DNAJC11: variants seen among roughly 807,000 people sequenced by gnomAD.
The protein encoded by DNAJC11 is DnaJ heat shock protein family (Hsp40) member C11.
In DNAJC11, 15 loss-of-function variants were observed where a neutral mutation model predicts 78.6. The ratio of observed to expected loss-of-function variants is 0.19; its 90% CI spans 0.13 to 0.29. The LOEUF is 0.29. Ranked by LOEUF, DNAJC11 falls within the 10% of genes least tolerant of loss-of-function variation. DNAJC11 has a pLI of 1.00. For synonymous variants in DNAJC11, 292 were observed against 272.1 expected, an observed-to-expected ratio of 1.07 and a Z score of -0.72; for missense variants, 547 against 709.6, an observed-to-expected ratio of 0.77 and a Z score of 2.60.
At chr1:6,700,709 T>C (rs1642911228) in intron 1 of DNAJC11, among the ~76,000 whole-genome samples, 1 of 152,196 alleles carries the variant, frequency 6.6e-6, no homozygotes, top group Non-Finnish European at 1.5e-5. Flanking sequence ...CAAGATAAGT[T>C]TGTATTATTA....
At chr1:6,641,261 C>T (rs1405935751) in intron 10 of DNAJC11, among the ~76,000 whole-genome samples, 1 of 151,518 alleles carries the variant, frequency 6.6e-6, no homozygotes, top group Non-Finnish European at 1.5e-5. Flanking sequence ...TGGTGGGCGC[C>T]TGTAATCCCA....
In DNAJC11 at chr1:6,653,563, TTAAAAC is replaced by T. The variant is rs1642086427; in HGVS notation, c.507+342_507+347del. On this transcript the variant is annotated intron_variant, in intron 5 of 15. Transcript: ENST00000377577. The surrounding 1 kb of genome is among the most constrained non-coding windows in gnomAD (Gnocchi z 4.5). ...CTTGCGGCACCTAGCAGAATTTGCC[TTAAAAC>T]TAAAACTGGTTGTTAGAATGATCCA... Among the ~76,000 whole-genome samples, 1 of 152,164 alleles carries T rather than the reference TTAAAAC, an allele frequency of 6.6e-6. No individual in the cohort carries two copies.
chr1:6,698,757 C>T (rs924529695), intron 1 of DNAJC11, among the ~76,000 whole-genome samples: 9 of 150,856 alleles, frequency 6.0e-5, no homozygotes, highest in African/African-American at 2.0e-4. Flanking sequence ...GCCTGGGCAA[C>T]ACAGTGAGAC....
chr1:6,649,136 G>T (rs1052474272), intron 7 of DNAJC11, among the ~76,000 whole-genome samples: 1 of 152,052 alleles, frequency 6.6e-6, no homozygotes, highest in Non-Finnish European at 1.5e-5. Flanking sequence ...GGGATTGCAG[G>T]TGTGAGTCAC....
At chr1:6,646,740 C>T (rs534934384) in intron 7 of DNAJC11, among the ~76,000 whole-genome samples, 1 of 152,276 alleles carries the variant, frequency 6.6e-6, no homozygotes, top group African/African-American at 2.4e-5. Context: ...AACAGAAATT[C>T]ACACTTCATT....
intron 1 of DNAJC11, among the ~76,000 whole-genome samples, chr1:6,687,143 G>A (rs1642668335): frequency 6.6e-6 from 1 of 152,202 alleles, no homozygotes; most frequent in South Asian, 2.1e-4. Context: ...GGTGCTTTGT[G>A]CTGAGTAAGA....
intron 7 of DNAJC11, among the ~76,000 whole-genome samples, chr1:6,647,080 CTTTTTTTTTTT>C (rs70981396): frequency 4.2e-5 from 4 of 95,034 alleles, no homozygotes; most frequent in South Asian, 3.9e-4. Flanking sequence ...CTGGACAGGT[CTTTTTTTTTTT>C]TTTTTTTTTT....
chr1:6,692,344 C>T (rs1397921304), intron 1 of DNAJC11, among the ~76,000 whole-genome samples: 1 of 151,886 alleles, frequency 6.6e-6, no homozygotes, highest in Non-Finnish European at 1.5e-5. Context: ...TCTCTAAACT[C>T]CACTTCCCGG....
At position 6,682,189 on chromosome 1, in the gene DNAJC11, CTG is replaced by C. The variant is rs200544459; in HGVS notation, c.73-1154_73-1153del. On this transcript the variant is annotated intron_variant, in intron 1 of 15. Transcript: ENST00000377577. ...AAAAAAAAAAAAAAAAAAAAGATGA[CTG>C]TATTCTCTGTTACTTCCACAATTTT... Among the ~76,000 whole-genome samples, 996 of 135,168 alleles carry C rather than the reference CTG, an allele frequency of 7.4e-3. 10 individuals are homozygous for C. Among genetic ancestry groups the C allele is most frequent in the African/African-American group, 0.024 (897 of 36,644 alleles). The allele number at this position is 135,168 out of a possible 152,430, so 88.7% of individuals were successfully genotyped here. A position where few individuals can be genotyped will look rare whatever the true frequency, so the allele number is the denominator to read the frequency against.
intron 1 of DNAJC11, among the ~76,000 whole-genome samples, chr1:6,687,634 C>A (rs568677511): frequency 3.9e-5 from 6 of 152,034 alleles, no homozygotes; most frequent in African/African-American, 1.5e-4. Flanking sequence ...TAGGATTACA[C>A]GCGTGAGCCA....
intron 12 of DNAJC11, chr1:6,637,832 TTAAAAA>T: frequency 4.3e-6 from 2 of 460,728 alleles, no homozygotes; most frequent in Non-Finnish European, 7.8e-6. Flanking sequence ...GTTGTCAGCT[TTAAAAA>T]TAAAGAGATT....
At chr1:6,647,239 G>A (rs553353105) in intron 7 of DNAJC11, among the ~76,000 whole-genome samples, 1 of 151,944 alleles carries the variant, frequency 6.6e-6, no homozygotes, top group Admixed American at 6.6e-5. Context: ...CCACCACCAT[G>A]TCCGGTTAAT....
chr1:6,636,555 TCA>T (rs1641772479), intron 14 of DNAJC11, among the ~76,000 whole-genome samples: 1 of 152,098 alleles, frequency 6.6e-6, no homozygotes, highest in Non-Finnish European at 1.5e-5. Flanking sequence ...GAGGCAAGAC[TCA>T]CACATGTTAC....
At position 6,634,476 on chromosome 1, in the gene DNAJC11, G is replaced by A. The variant is rs1280626066; in HGVS notation, c.*1199C>T. On this transcript the variant is annotated 3_prime_UTR_variant, in exon 16 of 16. Coordinates refer to ENST00000377577, the MANE Select transcript of DNAJC11 (RefSeq NM_018198.4). ...GGGAGGCCTGACTTCAGCAACAGCT[G>A]TGGGTGGGCTGGAGGCCGGCGCAGC... The A allele has an allele frequency of 7.5e-7, 1 of 1,324,896 alleles. No homozygotes were observed. The highest frequency in any genetic ancestry group is 1.0e-6 in the Non-Finnish European group (1 of 1,000,848). The allele number at this position is 1,324,896 out of a possible 1,614,324, so 82.1% of individuals were successfully genotyped here. A position where few individuals can be genotyped will look rare whatever the true frequency, so the allele number is the denominator to read the frequency against.
chr1:6,637,219 G>A lies in DNAJC11; in HGVS notation c.1503C>T (p.Leu501=), dbSNP rs1473064838. The change falls in exon 14 of 16, where the codon CTC becomes CTT. Residue 501 remains leucine, a synonymous_variant. Transcript: ENST00000377577. ...PLQCLVKDSK[L]ILTEASKAGL... ...GTACCTTGGAGGCCTCCGTGAGGAT[G>A]AGCTTCGAGTCCTTCACCAGGCACT... The A allele has an allele frequency of 6.2e-7, 1 of 1,614,174 alleles. No homozygotes were observed. The highest frequency in any genetic ancestry group is 1.1e-5 in the South Asian group (1 of 91,076).
chr1:6,676,199 G>A (rs941929396), intron 3 of DNAJC11, among the ~76,000 whole-genome samples: 3 of 152,170 alleles, frequency 2.0e-5, no homozygotes, highest in East Asian at 1.9e-4. Flanking sequence ...CAGACATAAC[G>A]CAAGGGGGAG....
Position 6,634,714 on chromosome 1 carries a change from G to A in DNAJC11, c.*961C>T, listed in dbSNP as rs367606327. 2.0e-5 allele frequency: 27 copies of A among 1,363,670 alleles called. No homozygotes were observed. The African/African-American group carries it at 3.4e-4, about 17-fold the overall frequency. The allele number at this position is 1,363,670 out of a possible 1,614,324, so 84.5% of individuals were successfully genotyped here. On this transcript the variant is annotated 3_prime_UTR_variant, in exon 16 of 16. Transcript: ENST00000377577. Reference sequence around the variant, plus strand: ...ACGTGGAGGAAGGGTCTGAAGGAAGGCTCCGGAGCACAGGCCCTGGTGTTC... The same window carrying A: ...ACGTGGAGGAAGGGTCTGAAGGAAGACTCCGGAGCACAGGCCCTGGTGTTC...
At chr1:6,656,624 A>G (rs767050372) in intron 4 of DNAJC11, among the ~76,000 whole-genome samples, 16 of 151,986 alleles carry the variant, frequency 1.1e-4, no homozygotes, top group Admixed American at 2.0e-4. Flanking sequence ...CACTCCTGCA[A>G]TCCCAGTACT....
chr1:6,699,609 GAA>G (rs1393118843), intron 1 of DNAJC11, among the ~76,000 whole-genome samples: 8 of 152,168 alleles, frequency 5.3e-5, no homozygotes, highest in Admixed American at 1.3e-4. Flanking sequence ...CATTTAAAGG[GAA>G]AGAGACTTAA....
Sources: gnomAD v4.1 joint callset for allele counts (sites outside exome capture counted in the v4.1 genomes callset) on GRCh38, gnomAD v4.1.1 for gene constraint, Gnocchi (gnomAD v3.1) non-coding constraint, MANE v1.5 for transcripts, NCBI Gene and HGNC (gene_info 2026-07-23, HGNC 2026-07-21) for gene names.